CDON: variants seen among roughly 807,000 people sequenced by gnomAD.
The protein encoded by CDON is cell adhesion molecule-related/down-regulated by oncogenes.
Under a neutral mutation model 120.9 loss-of-function variants are expected in CDON, and 73 were observed. The observed-to-expected ratio is 0.60, with a 90% CI of 0.50 to 0.73. The LOEUF is 0.73. CDON is among the 30% of genes least tolerant of loss of function. The pLI is 0.00. For missense variants in CDON, 1,470 were observed against 1,587.3 expected, an observed-to-expected ratio of 0.93 and a Z score of 1.26; for synonymous variants, 566 against 573.5, an observed-to-expected ratio of 0.99 and a Z score of 0.19.
intron 1 of CDON, among the ~76,000 whole-genome samples, chr11:126,029,855 A>C (rs1947899356): frequency 6.6e-6 from 1 of 152,198 alleles, no homozygotes; most frequent in Non-Finnish European, 1.5e-5. Flanking sequence ...CTGGTAGTAC[A>C]GTCTCTCCGG....
Position 126,021,448 on chromosome 11 carries a change from CA to C in CDON, c.148del (p.Cys50ValfsTer6), listed in dbSNP as rs1386006780. 1.2e-6 allele frequency: 2 copies of C among 1,613,914 alleles called. No individual in the cohort carries two copies. The highest frequency in any genetic ancestry group is 1.7e-5 in the Admixed American group (1 of 60,002). ...ACGAGTGGTCACAGGTTGAGCAGAA[CA>C]ATGCAGTACTACAGGTCCACCAAGT... is the stretch of plus-strand genomic sequence containing the variant. ...QKLGGPVVLH[C>X]SAQPVTTRIS... is the part of the protein sequence containing the mutation. On this transcript the variant is annotated frameshift_variant, in exon 3 of 20. Coordinates refer to ENST00000531738, the MANE Select transcript of CDON (RefSeq NM_001378964.1). LOFTEE classifies it high-confidence loss of function.
intron 3 of CDON, among the ~76,000 whole-genome samples, chr11:126,020,834 G>A (rs902258948): frequency 2.0e-5 from 3 of 152,132 alleles, no homozygotes; most frequent in Non-Finnish European, 4.4e-5. Flanking sequence ...ACAATTAGAT[G>A]TGAAAGAAAG....
At chr11:125,973,223 C>A (rs1304436746) in intron 18 of CDON, among the ~76,000 whole-genome samples, 1 of 151,946 alleles carries the variant, frequency 6.6e-6, no homozygotes, top group Non-Finnish European at 1.5e-5. Flanking sequence ...CAAACTGCAT[C>A]CAGAGTGTTC....
At chr11:125,977,597 A>G (rs1001638378) in intron 18 of CDON, among the ~76,000 whole-genome samples, 1 of 152,202 alleles carries the variant, frequency 6.6e-6, no homozygotes, top group African/African-American at 2.4e-5. Flanking sequence ...TCATTATGTA[A>G]AAGAAAGAAC....
chr11:126,017,818 TC>T (rs1446926518), intron 5 of CDON, among the ~76,000 whole-genome samples: 5 of 152,142 alleles, frequency 3.3e-5, no homozygotes, highest in African/African-American at 1.2e-4. Context: ...CCACATGTAT[TC>T]ACTCTGTCAC....
At chr11:125,971,168 G>A (rs1203474032) in intron 18 of CDON, among the ~76,000 whole-genome samples, 4 of 152,070 alleles carry the variant, frequency 2.6e-5, no homozygotes, top group Admixed American at 6.5e-5. Context: ...CGGATCACGA[G>A]GTCAGGAGAC....
intron 15 of CDON, among the ~76,000 whole-genome samples, chr11:125,985,723 C>G (rs902737060): frequency 1.3e-5 from 2 of 152,312 alleles, no homozygotes; most frequent in Middle Eastern, 3.4e-3. Flanking sequence ...AAATGCTCAT[C>G]ATCTCTGGTC....
intron 12 of CDON, among the ~76,000 whole-genome samples, chr11:125,996,699 CA>C (rs71048761): frequency 0.023 from 1,226 of 53,286 alleles, 1 homozygote; most frequent in African/African-American, 0.067. Flanking sequence ...GACTCCATCT[CA>C]AAAAAAAAAA....
At chr11:126,032,328 G>A (rs564016) in intron 1 of CDON, among the ~76,000 whole-genome samples, 14,455 of 151,892 alleles carry the variant, frequency 0.095, 911 homozygotes, top group Middle Eastern at 0.26. Flanking sequence ...GAGAAGGAAG[G>A]AAGTATCTCA....
At chr11:126,035,277 C>A (rs1382184030) in intron 1 of CDON, among the ~76,000 whole-genome samples, 4 of 152,196 alleles carry the variant, frequency 2.6e-5, no homozygotes, top group African/African-American at 9.6e-5. Flanking sequence ...GGAAAAGGAT[C>A]TTTGCTGCAA....
At position 126,004,030 on chromosome 11, in the gene CDON, A is replaced by G. The variant is rs1171697357; in HGVS notation, c.1898T>C (p.Val633Ala). 3 of 1,613,710 alleles carry G rather than the reference A, an allele frequency of 1.9e-6. No individual in the cohort carries two copies. The highest frequency in any genetic ancestry group is 2.5e-6 in the Non-Finnish European group (3 of 1,179,942). The change falls in exon 10 of 20, where the codon GTC becomes GCC. Residue 633 changes from valine to alanine, a missense_variant. Coordinates refer to ENST00000531738, the MANE Select transcript of CDON (RefSeq NM_001378964.1). ...ATGGAGCTCATTTTCACTTCCTGGG[A>G]CTCGAACCGTGTGCCAGCTTCCCAG... ...GMLGSWHTVRVPGSENELHLA... is the reference protein window; with the variant it reads ...GMLGSWHTVRAPGSENELHLA...
intron 9 of CDON, 141 bp downstream of exon 9, chr11:126,005,618 G>C (rs1947097715): frequency 3.9e-6 from 3 of 776,366 alleles, no homozygotes; most frequent in Admixed American, 2.0e-5. Flanking sequence ...CAGCATGACT[G>C]GGATCTCTCT....
At position 126,001,759 on chromosome 11, in the gene CDON, ATTG is replaced by A. The variant is rs1372245706; in HGVS notation, c.2115_2117del (p.Asn706del). The A allele has an allele frequency of 1.2e-6, 2 of 1,613,432 alleles. No individual in the cohort carries two copies. The highest frequency in any genetic ancestry group is 1.7e-6 in the Non-Finnish European group (2 of 1,179,492). ...AGGAATCTGTAAGTACCACTCCAAA[ATTG>A]TTGTTTGCAGCCTCTGAAACAACGG... On this transcript the variant is annotated inframe_deletion, in exon 11 of 20. Transcript: ENST00000531738.
At chr11:126,012,384 T>C (rs1947328421) in intron 7 of CDON, among the ~76,000 whole-genome samples, 1 of 152,098 alleles carries the variant, frequency 6.6e-6, no homozygotes, top group Non-Finnish European at 1.5e-5. Context: ...TGTTTGTTGC[T>C]GGTATGCAGA....
chr11:125,988,257 C>T (rs914552151), intron 15 of CDON, among the ~76,000 whole-genome samples: 3 of 152,036 alleles, frequency 2.0e-5, no homozygotes, highest in Non-Finnish European at 2.9e-5. Context: ...AAAATAGACA[C>T]GGTCAGATAT....
Position 126,050,535 on chromosome 11 carries a change from C to CACACAA in CDON, c.-62+12043_-62+12044insTTGTGT, listed in dbSNP as rs1417643591. ...ACACACACACACACACACACACAAA[C>CACACAA]AAAAAAAAGTCTGTAAAATACTCCA... is the stretch of plus-strand genomic sequence containing the variant. On this transcript the variant is annotated intron_variant, in intron 1 of 19. Transcript: ENST00000531738. Among the ~76,000 whole-genome samples, 19 of 139,100 alleles carry CACACAA rather than the reference C, an allele frequency of 1.4e-4. No individual in the cohort carries two copies. In the East Asian group the frequency reaches 3.8e-3, roughly 28 times the overall value. 91.3% of individuals were successfully genotyped at this position (139,100 alleles called of 152,430 possible).
chr11:126,023,545 A>G lies in CDON; in HGVS notation c.-61-8T>C. 8.9e-7 allele frequency: 1 copy of G among 1,126,076 alleles called. No individual in the cohort carries two copies. Among genetic ancestry groups the G allele is most frequent in the Non-Finnish European group, 1.4e-6 (1 of 736,236 alleles). 69.8% of individuals were successfully genotyped at this position (1,126,076 alleles called of 1,614,324 possible). ...AACCCAGTCCTTGGTTCACTAAAAA[A>G]GAAAAAGGAAAGAAAATCTAAACCA... On this transcript the variant is annotated splice_polypyrimidine_tract_variant and splice_region_variant and intron_variant, in intron 1 of 19. Coordinates refer to ENST00000531738, the MANE Select transcript of CDON (RefSeq NM_001378964.1).
At chr11:126,024,324 G>A (rs1024995780) in intron 1 of CDON, among the ~76,000 whole-genome samples, 1 of 152,208 alleles carries the variant, frequency 6.6e-6, no homozygotes, top group Non-Finnish European at 1.5e-5. Flanking sequence ...GTGGAAAAGG[G>A]AGACTAAGCA....
At chr11:126,015,565 T>A in intron 6 of CDON, 55 bp from the exon 7 acceptor site, 1 of 1,565,162 alleles carries the variant, frequency 6.4e-7, no homozygotes, top group South Asian at 1.1e-5. Flanking sequence ...CTTCTTAAAT[T>A]ATCACTCGAG....
Sources: gnomAD v4.1 joint callset for allele counts (sites outside exome capture counted in the v4.1 genomes callset) on GRCh38, gnomAD v4.1.1 for gene constraint, MANE v1.5 for transcripts, NCBI Gene and HGNC (gene_info 2026-07-23, HGNC 2026-07-21) for gene names.